Variants in CDK6 observed in about 807,000 individuals in gnomAD.
CDK6 encodes the protein cyclin dependent kinase 6, also known as cyclin-dependent kinase 6.
A neutral mutation model predicts 37.1 loss-of-function variants in CDK6; 6 were observed. That is an observed-to-expected ratio of 0.16 (90% CI 0.09 to 0.32). The LOEUF is 0.32. Among genes scored for constraint, CDK6 ranks in the 10% least tolerant of loss-of-function variants. CDK6 has a pLI of 1.00. For synonymous variants in CDK6, 160 were observed against 161.3 expected (o/e 0.99, Z 0.06); for missense variants, 224 against 418.9 (o/e 0.53, Z 4.06).
chr7:92,809,689 C>T (rs1800821732), intron 2 of CDK6, among the ~76,000 whole-genome samples: 1 of 152,142 alleles, frequency 6.6e-6, no homozygotes, highest in Non-Finnish European at 1.5e-5. Context: ...ATCTTAAGAA[C>T]AAAAAGTATC....
At chr7:92,718,859 A>C (rs756675496) in intron 4 of CDK6, among the ~76,000 whole-genome samples, 33 of 152,198 alleles carry the variant, frequency 2.2e-4, no homozygotes, top group Middle Eastern at 3.2e-3. Flanking sequence ...ATTCAGATCT[A>C]TCTCTCCATC....
At chr7:92,799,531 G>A (rs1800514320) in intron 2 of CDK6, among the ~76,000 whole-genome samples, 1 of 148,274 alleles carries the variant, frequency 6.7e-6, no homozygotes, top group African/African-American at 2.5e-5. Context: ...AGGATTTCTT[G>A]CTCATTCATC....
At chr7:92,728,129 AACAC>A (rs1175867689) in intron 3 of CDK6, among the ~76,000 whole-genome samples, 1 of 152,200 alleles carries the variant, frequency 6.6e-6, no homozygotes, top group Non-Finnish European at 1.5e-5. Context: ...TTTGTGTTAT[AACAC>A]ACACTATGTT....
chr7:92,700,826 A>G (rs1315961399), intron 4 of CDK6, among the ~76,000 whole-genome samples: 4 of 152,258 alleles, frequency 2.6e-5, no homozygotes, highest in Non-Finnish European at 5.9e-5. Context: ...GTCAAGGTGG[A>G]TATTTACAAG....
At position 92,610,975 on chromosome 7, in the gene CDK6, T is replaced by C. The variant is rs545596627; in HGVS notation, c.*4165A>G. 49 of 227,992 alleles carry C rather than the reference T, an allele frequency of 2.1e-4. No individual in the cohort carries two copies. Among genetic ancestry groups the C allele is most frequent in the Non-Finnish European group, 4.0e-4 (46 of 114,852 alleles). The allele number at this position is 227,992 out of a possible 1,614,324, so 14.1% of individuals were successfully genotyped here. On this transcript the variant is annotated 3_prime_UTR_variant, in exon 8 of 8. Transcript: ENST00000424848. ...AAAAGTACAGGTAATTTAGTTTGCT[T>C]GGGACAGCTTCTCCATAACATTTGT...
intron 5 of CDK6, among the ~76,000 whole-genome samples, chr7:92,634,196 A>G (rs889550682): frequency 1.3e-5 from 2 of 151,894 alleles, no homozygotes; most frequent in African/African-American, 4.8e-5. Flanking sequence ...GCCATCTGTC[A>G]TTTGCTCTGT....
chr7:92,636,087 C>T (rs1796164060), intron 5 of CDK6, among the ~76,000 whole-genome samples: 1 of 152,102 alleles, frequency 6.6e-6, no homozygotes, highest in Non-Finnish European at 1.5e-5. Context: ...GACAAGATCT[C>T]ATTCTGTTGC....
intron 2 of CDK6, among the ~76,000 whole-genome samples, chr7:92,782,974 G>C (rs1422077108): frequency 4.6e-5 from 7 of 152,136 alleles, no homozygotes; most frequent in Admixed American, 4.6e-4. Context: ...ACTTGGCTGG[G>C]AATCTATTCA....
At chr7:92,820,659 TA>T (rs1801149665) in intron 2 of CDK6, among the ~76,000 whole-genome samples, 1 of 151,988 alleles carries the variant, frequency 6.6e-6, no homozygotes, top group African/African-American at 2.4e-5. Flanking sequence ...TTATATGAAA[TA>T]AAAATATCCC....
Position 92,826,214 on chromosome 7 carries a change from T to C in CDK6, c.233+6877A>G, listed in dbSNP as rs969669320. Among the ~76,000 whole-genome samples the C allele has an allele frequency of 2.6e-5, 4 of 152,194 alleles. No homozygotes were observed. In the East Asian group the frequency reaches 7.7e-4, roughly 29 times the overall value. On this transcript the variant is annotated intron_variant, in intron 2 of 7. Coordinates refer to ENST00000424848, the MANE Select transcript of CDK6 (RefSeq NM_001145306.2). ...TGTAATCACAAGACACTCTCTGCCT[T>C]AAAGAGCTTACAAATAGGGTGTGAA...
intron 3 of CDK6, among the ~76,000 whole-genome samples, chr7:92,736,620 C>T (rs1000368054): frequency 5.3e-5 from 8 of 152,178 alleles, no homozygotes; most frequent in Non-Finnish European, 1.0e-4. Flanking sequence ...GCTATAGCTC[C>T]AGCAGGCAGG....
chr7:92,722,395 T>A (rs1385992550), intron 4 of CDK6, among the ~76,000 whole-genome samples: 1 of 152,218 alleles, frequency 6.6e-6, no homozygotes, highest in Admixed American at 6.5e-5. Flanking sequence ...AATTCATATA[T>A]GTAATTTGTT....
At chr7:92,701,408 AC>A (rs1403906122) in intron 4 of CDK6, among the ~76,000 whole-genome samples, 2 of 149,166 alleles carry the variant, frequency 1.3e-5, no homozygotes, top group South Asian at 4.2e-4. Flanking sequence ...AAGCTTACAC[AC>A]TTTTTTTTTT....
intron 3 of CDK6, among the ~76,000 whole-genome samples, chr7:92,766,640 A>G (rs2115747852): frequency 6.6e-6 from 1 of 152,348 alleles, no homozygotes; most frequent in Middle Eastern, 3.4e-3. Flanking sequence ...GAAGAGCCAA[A>G]AAAAGAGACT....
chr7:92,684,543 G>C (rs1003769712), intron 4 of CDK6, among the ~76,000 whole-genome samples: 1 of 152,060 alleles, frequency 6.6e-6, no homozygotes, highest in Non-Finnish European at 1.5e-5. Context: ...TGTGTGCACA[G>C]GCATGTCTAT....
chr7:92,740,921 A>T (rs998011580), intron 3 of CDK6, among the ~76,000 whole-genome samples: 2 of 152,168 alleles, frequency 1.3e-5, no homozygotes, highest in African/African-American at 2.4e-5. Flanking sequence ...TCAGGCACTA[A>T]GTATGAAAGG....
At chr7:92,720,563 T>C (rs1798342785) in intron 4 of CDK6, among the ~76,000 whole-genome samples, 1 of 152,256 alleles carries the variant, frequency 6.6e-6, no homozygotes, top group Non-Finnish European at 1.5e-5. Flanking sequence ...AAATTAAAGA[T>C]TTTGCATCAT....
intron 4 of CDK6, among the ~76,000 whole-genome samples, chr7:92,693,026 C>T (rs1269283263): frequency 6.6e-6 from 1 of 152,146 alleles, no homozygotes; most frequent in Non-Finnish European, 1.5e-5. Flanking sequence ...CGGGGTACTT[C>T]TTGTACCCTT....
Position 92,833,056 on chromosome 7 carries a change from GC to G in CDK6, c.233+34del, listed in dbSNP as rs2116030801. The G allele has an allele frequency of 6.9e-7, 1 of 1,450,170 alleles. No homozygotes were observed. The allele number at this position is 1,450,170 out of a possible 1,614,324, so 89.8% of individuals were successfully genotyped here. A position where few individuals can be genotyped will look rare whatever the true frequency, so the allele number is the denominator to read the frequency against. On this transcript the variant is annotated intron_variant, in intron 2 of 7. Transcript: ENST00000424848. This position sits in a 1 kb window ranked among gnomAD's most constrained non-coding sequence, Gnocchi z 6.1. ...GCTCGGCCCTCCCCGCGCGCGCGAGGCCCCAGATGGCGAGGGCGCAGCTCCC... is the reference window on the plus strand; with the variant it reads ...GCTCGGCCCTCCCCGCGCGCGCGAGGCCCAGATGGCGAGGGCGCAGCTCCC...
Sources: allele counts gnomAD v4.1 joint callset (sites outside exome capture counted in the v4.1 genomes callset), GRCh38; gene constraint gnomAD v4.1.1; non-coding constraint Gnocchi (gnomAD v3.1); transcripts MANE v1.5; gene names NCBI Gene and HGNC (gene_info 2026-07-23, HGNC 2026-07-21).